Variants in COL26A1 observed in about 807,000 individuals in gnomAD.
COL26A1 encodes collagen alpha-1(XXVI) chain.
A neutral mutation model predicts 59.3 loss-of-function variants in COL26A1; 41 were observed. That is an observed-to-expected ratio of 0.69 (90% confidence interval 0.54 to 0.90). The LOEUF (loss-of-function observed/expected upper bound fraction) is 0.90. COL26A1 is among the 40% of genes least tolerant of loss of function. COL26A1 has a pLI of 0.00. For missense variants in COL26A1, 612 were observed against 602.3 expected (o/e 1.02, Z -0.17); for synonymous variants, 266 against 256.0 (o/e 1.04, Z -0.37).
chr7:101,531,920 A>G (rs1294331459), intron 3 of COL26A1, among the ~76,000 whole-genome samples: 2 of 152,084 alleles, frequency 1.3e-5, no homozygotes, highest in Admixed American at 1.3e-4. Flanking sequence ...ACCTCTCCCA[A>G]GCAGGATCGT....
At chr7:101,463,297 C>T (rs1793657314) in intron 3 of COL26A1, among the ~76,000 whole-genome samples, 1 of 152,138 alleles carries the variant, frequency 6.6e-6, no homozygotes, top group Admixed American at 6.5e-5. Flanking sequence ...CCTTATTTCG[C>T]TTAGCATTAT....
chr7:101,553,499 C>G, intron 11 of COL26A1, 123 bp downstream of exon 11: 1 of 898,982 alleles, frequency 1.1e-6, no homozygotes, highest in Non-Finnish European at 1.7e-6. Context: ...TGCTGGGCCA[C>G]CGGGTGTACA....
intron 1 of COL26A1, among the ~76,000 whole-genome samples, chr7:101,365,519 C>T (rs547901934): frequency 5.3e-5 from 8 of 151,936 alleles, no homozygotes; most frequent in Non-Finnish European, 1.0e-4. Context: ...CTCTGCCTCC[C>T]AAGTTCAAGT....
rs3073374 is a variant in COL26A1 at position 101,510,027 on chromosome 7, C to CTTTTTTTTTTTTTTTTTTTTTTTTTTT, written c.386-23041_386-23040insTTTTTTTTTTTTTTTTTTTTTTTTTTT. Among the ~76,000 whole-genome samples, 141 of 122,272 alleles carry CTTTTTTTTTTTTTTTTTTTTTTTTTTT rather than the reference C, an allele frequency of 1.2e-3. 20 individuals are homozygous for CTTTTTTTTTTTTTTTTTTTTTTTTTTT. Among genetic ancestry groups the CTTTTTTTTTTTTTTTTTTTTTTTTTTT allele is most frequent in the African/African-American group, 5.2e-3 (127 of 24,636 alleles). 80.2% of individuals were successfully genotyped at this position (122,272 alleles called of 152,430 possible). A position where few individuals can be genotyped will look rare whatever the true frequency, so the allele number is the denominator to read the frequency against. On this transcript the variant is annotated intron_variant, in intron 3 of 12. Transcript: ENST00000313669. ...ATAGGCATAAGCCATCGCGCCCAGT[C>CTTTTTTTTTTTTTTTTTTTTTTTTTTT]TTTTTTTTTTTTTTAAGAGGGTCTC...
chr7:101,433,112 C>G (rs940222639), intron 2 of COL26A1, among the ~76,000 whole-genome samples: 1 of 152,030 alleles, frequency 6.6e-6, no homozygotes, highest in Non-Finnish European at 1.5e-5. Flanking sequence ...CGCTTGAGGC[C>G]AGAAGTTTGA....
At chr7:101,444,554 G>T (rs914181168) in intron 2 of COL26A1, among the ~76,000 whole-genome samples, 1 of 151,654 alleles carries the variant, frequency 6.6e-6, no homozygotes, top group Non-Finnish European at 1.5e-5. Flanking sequence ...AGCTGGGATT[G>T]CAGGCATGCG....
chr7:101,528,775 C>T (rs1795304824), intron 3 of COL26A1, among the ~76,000 whole-genome samples: 2 of 152,134 alleles, frequency 1.3e-5, no homozygotes, highest in Admixed American at 1.3e-4. Flanking sequence ...TCTCAAACTC[C>T]CGGGCTCAAG....
chr7:101,501,970 C>T (rs1342340108), intron 3 of COL26A1, among the ~76,000 whole-genome samples: 3 of 152,274 alleles, frequency 2.0e-5, no homozygotes, highest in East Asian at 1.9e-4. Flanking sequence ...CCCTTTCTTC[C>T]GGATTCACCA....
At chr7:101,404,502 T>G (rs113019047) in intron 1 of COL26A1, among the ~76,000 whole-genome samples, 190 of 152,300 alleles carry the variant, frequency 1.2e-3, no homozygotes, top group African/African-American at 4.4e-3. Context: ...AAAGTAGCAG[T>G]TCACCTTCCC....
At chr7:101,408,309 G>GCT (rs1792174174) in intron 1 of COL26A1, among the ~76,000 whole-genome samples, 1 of 152,208 alleles carries the variant, frequency 6.6e-6, no homozygotes, top group South Asian at 2.1e-4. Flanking sequence ...ACCCCATGAG[G>GCT]CTCTGCAGCT....
intron 3 of COL26A1, among the ~76,000 whole-genome samples, chr7:101,509,729 G>A (rs1794882716): frequency 6.6e-6 from 1 of 151,998 alleles, no homozygotes; most frequent in Non-Finnish European, 1.5e-5. Flanking sequence ...AGCACTGGGG[G>A]CTCTTTTATT....
At chr7:101,399,891 C>T (rs539355671) in intron 1 of COL26A1, among the ~76,000 whole-genome samples, 6 of 152,308 alleles carry the variant, frequency 3.9e-5, no homozygotes, top group African/African-American at 7.2e-5. Flanking sequence ...CCATGGCCCC[C>T]GCTGCCCCTG....
intron 4 of COL26A1, among the ~76,000 whole-genome samples, chr7:101,533,396 C>T (rs1026901502): frequency 3.3e-5 from 5 of 151,912 alleles, no homozygotes; most frequent in African/African-American, 1.2e-4. Flanking sequence ...TCCCAGGACC[C>T]GGGGGCTGGG....
At chr7:101,520,653 C>T (rs1160509433) in intron 3 of COL26A1, among the ~76,000 whole-genome samples, 4 of 151,288 alleles carry the variant, frequency 2.6e-5, no homozygotes, top group Admixed American at 6.6e-5. Flanking sequence ...CACACACACA[C>T]ACACACACAC....
At position 101,533,100 on chromosome 7, in the gene COL26A1, G is replaced by A. The variant is rs533472601; in HGVS notation, c.404G>A (p.Arg135Gln). Residue 135 changes from arginine to glutamine, a missense_variant, in exon 4 of 13, where the codon CGG becomes CAG. Transcript: ENST00000313669. ...CTTTCAGAATGCATGAACTGCACCCGGCTCAGTGACATGAGTGAGCGACTG... is the reference window on the plus strand; with the variant it reads ...CTTTCAGAATGCATGAACTGCACCCAGCTCAGTGACATGAGTGAGCGACTG... Reference protein sequence around the residue: ...NCDEECMNCTRLSDMSERLTT... With the variant: ...NCDEECMNCTQLSDMSERLTT... The A allele has an allele frequency of 1.4e-5, 23 of 1,607,946 alleles. No homozygotes were observed. The highest frequency in any genetic ancestry group is 5.6e-5 in the South Asian group (5 of 89,810).
chr7:101,375,526 T>C (rs1205272430), intron 1 of COL26A1, among the ~76,000 whole-genome samples: 1 of 151,644 alleles, frequency 6.6e-6, no homozygotes, highest in African/African-American at 2.4e-5. Context: ...CGAAATCCCC[T>C]GTCTACAAAA....
intron 1 of COL26A1, among the ~76,000 whole-genome samples, chr7:101,373,793 T>C (rs1403894331): frequency 6.6e-6 from 1 of 152,200 alleles, no homozygotes; most frequent in Non-Finnish European, 1.5e-5. Flanking sequence ...CAGTGAGACC[T>C]TGTCCTCAAG....
chr7:101,461,820 G>C (rs1793619867), intron 3 of COL26A1, among the ~76,000 whole-genome samples: 1 of 152,088 alleles, frequency 6.6e-6, no homozygotes, highest in Non-Finnish European at 1.5e-5. Context: ...ATAAGTTCAA[G>C]GTCTCGTCCA....
chr7:101,461,448 G>A (rs909909045), intron 3 of COL26A1, among the ~76,000 whole-genome samples: 17 of 151,922 alleles, frequency 1.1e-4, no homozygotes, highest in African/African-American at 3.6e-4. Flanking sequence ...ACAGATGCCC[G>A]CCACTACACC....
Sources: gnomAD v4.1 joint callset for allele counts (sites outside exome capture counted in the v4.1 genomes callset) on GRCh38, gnomAD v4.1.1 for gene constraint, MANE v1.5 for transcripts, NCBI Gene and HGNC (gene_info 2026-07-23, HGNC 2026-07-21) for gene names.